Variants in KCNT2 observed in about 807,000 individuals in gnomAD.
The protein encoded by KCNT2 is potassium sodium-activated channel subfamily T member 2.
A neutral mutation model predicts 153.8 loss-of-function variants in KCNT2; 67 were observed. The ratio of observed to expected loss-of-function variants is 0.44; its 90% CI spans 0.36 to 0.53. The LOEUF (loss-of-function observed/expected upper bound fraction) is 0.53. Among genes scored for constraint, KCNT2 ranks in the 20% least tolerant of loss-of-function variants. KCNT2 has a pLI of 0.00. For missense variants in KCNT2, 975 were observed against 1,354.8 expected, an observed-to-expected ratio of 0.72 and a Z score of 4.40; for synonymous variants, 500 against 458.8, an observed-to-expected ratio of 1.09 and a Z score of -1.15.
intron 3 of KCNT2, among the ~76,000 whole-genome samples, chr1:196,485,887 C>G (rs1301288581): frequency 1.3e-5 from 2 of 151,702 alleles, no homozygotes; most frequent in South Asian, 2.1e-4. Context: ...AAGCTGACAG[C>G]CAAATTATAA....
chr1:196,399,289 T>C (rs1671219101), intron 12 of KCNT2, among the ~76,000 whole-genome samples: 1 of 151,522 alleles, frequency 6.6e-6, no homozygotes, highest in African/African-American at 2.4e-5. Flanking sequence ...ATTGAAAAAA[T>C]CAAGGAAGAT....
At chr1:196,431,095 G>A (rs1052113130) in intron 8 of KCNT2, among the ~76,000 whole-genome samples, 8 of 152,100 alleles carry the variant, frequency 5.3e-5, no homozygotes, top group African/African-American at 1.7e-4. Context: ...GCCACAATGC[G>A]TCATCTTGGT....
At position 196,489,825 on chromosome 1, in the gene KCNT2, A is replaced by G; in HGVS notation, c.275+13T>C. ...AAAATAATATTGTTGAAGGTCAGAA[A>G]AAGGTACCTTACCATTCATTTCCTT... On this transcript the variant is annotated intron_variant, in intron 3 of 27. Transcript: ENST00000294725. 7.5e-7 allele frequency: 1 copy of G among 1,339,994 alleles called. No homozygotes were observed. The highest frequency in any genetic ancestry group is 1.1e-6 in the Non-Finnish European group (1 of 951,452). 83.0% of individuals were successfully genotyped at this position (1,339,994 alleles called of 1,614,324 possible).
chr1:196,437,038 CAT>C (rs1202702975), intron 8 of KCNT2, among the ~76,000 whole-genome samples: 1 of 4,480 alleles, frequency 2.2e-4, no homozygotes, highest in African/African-American at 7.2e-4. Context: ...AAATATATAT[CAT>C]ATATAAATAT....
intron 25 of KCNT2, among the ~76,000 whole-genome samples, chr1:196,276,350 T>C (rs568788212): frequency 6.6e-6 from 1 of 152,222 alleles, no homozygotes; most frequent in African/African-American, 2.4e-5. Flanking sequence ...CAGTAATTGC[T>C]TTATTGTATT....
intron 8 of KCNT2, among the ~76,000 whole-genome samples, chr1:196,438,907 C>A (rs758956907): frequency 2.6e-5 from 4 of 151,576 alleles, no homozygotes; most frequent in Non-Finnish European, 2.9e-5. Flanking sequence ...TTTTATATTA[C>A]TTAAAACATA....
chr1:196,269,294 C>T (rs1657839632), intron 25 of KCNT2, among the ~76,000 whole-genome samples: 1 of 152,110 alleles, frequency 6.6e-6, no homozygotes, highest in African/African-American at 2.4e-5. Flanking sequence ...GATTTCCATA[C>T]TATTTATTTG....
intron 16 of KCNT2, among the ~76,000 whole-genome samples, chr1:196,335,117 G>A (rs1664891217): frequency 6.6e-6 from 1 of 152,140 alleles, no homozygotes; most frequent in Non-Finnish European, 1.5e-5. Flanking sequence ...AAATAACGAT[G>A]AAAGGCATCA....
At chr1:196,459,914 T>C (rs1288290405) in intron 8 of KCNT2, among the ~76,000 whole-genome samples, 1 of 151,808 alleles carries the variant, frequency 6.6e-6, no homozygotes, top group African/African-American at 2.4e-5. Context: ...GGGAAACTGA[T>C]TTGAACCTCT....
intron 14 of KCNT2, among the ~76,000 whole-genome samples, chr1:196,371,218 T>TAA (rs1558207433): frequency 1.2e-4 from 1 of 8,166 alleles, no homozygotes; most frequent in African/African-American, 8.8e-4. Context: ...ATCCCGTCAC[T>TAA]ACAAAAAAAA....
intron 26 of KCNT2, among the ~76,000 whole-genome samples, chr1:196,249,113 A>T (rs1031529200): frequency 3.0e-5 from 4 of 135,358 alleles, no homozygotes; most frequent in Admixed American, 7.1e-5. Context: ...TTTCATGATT[A>T]AAAAAAAACT....
At chr1:196,361,792 G>A (rs986674738) in intron 14 of KCNT2, among the ~76,000 whole-genome samples, 1 of 152,074 alleles carries the variant, frequency 6.6e-6, no homozygotes, top group Non-Finnish European at 1.5e-5. Flanking sequence ...TGAAAACAGA[G>A]GCTCAGATTT....
intron 9 of KCNT2, among the ~76,000 whole-genome samples, chr1:196,428,936 T>C (rs1167460808): frequency 1.3e-5 from 2 of 151,974 alleles, no homozygotes; most frequent in Non-Finnish European, 2.9e-5. Flanking sequence ...ATTCCATTTA[T>C]ATATCCATCC....
rs555167771 is a variant in KCNT2 at position 196,390,224 on chromosome 1, C to T, written c.1294+8339G>A. Among the ~76,000 whole-genome samples, 5 of 151,266 alleles carry T rather than the reference C, an allele frequency of 3.3e-5. No homozygotes were observed. The South Asian group carries it at 6.2e-4, about 19-fold the overall frequency. ...ACTTTTCTAAGTGGATCTTTTAAAT[C>T]GTATATTCTGTATAGTACAATAATT... is the stretch of plus-strand genomic sequence containing the variant. On this transcript the variant is annotated intron_variant, in intron 13 of 27. Transcript: ENST00000294725.
At chr1:196,474,838 A>G (rs149850202) in intron 5 of KCNT2, among the ~76,000 whole-genome samples, 27 of 152,360 alleles carry the variant, frequency 1.8e-4, no homozygotes, top group African/African-American at 6.0e-4. Context: ...AGCTATAAAC[A>G]TGAATGGAAT....
In KCNT2 at chr1:196,258,688, T is replaced by C. The variant is rs147349385; in HGVS notation, c.2911-194A>G. On this transcript the variant is annotated intron_variant, in intron 25 of 27. Coordinates refer to ENST00000294725, the MANE Select transcript of KCNT2 (RefSeq NM_198503.5). ...AAATGTATGTTTCCTTGAACGTACA[T>C]ATAAATCAGGCAAAATAAATACCTG... The C allele has an allele frequency of 1.7e-5, 11 of 642,304 alleles. No homozygotes were observed. The Admixed American group carries it at 2.8e-4, about 16-fold the overall frequency. 39.8% of individuals were successfully genotyped at this position (642,304 alleles called of 1,614,324 possible). A position where few individuals can be genotyped will look rare whatever the true frequency, so the allele number is the denominator to read the frequency against.
chr1:196,498,374 T>C (rs1258433346), intron 1 of KCNT2, among the ~76,000 whole-genome samples: 2 of 152,208 alleles, frequency 1.3e-5, no homozygotes, highest in Admixed American at 1.3e-4. Context: ...CATAGATCAC[T>C]ATCAGAGGAA....
intron 1 of KCNT2, among the ~76,000 whole-genome samples, chr1:196,565,149 T>A: frequency 6.7e-6 from 1 of 149,406 alleles, no homozygotes. Context: ...CAAATGGGTT[T>A]CTCAAAGAAA....
intron 1 of KCNT2, among the ~76,000 whole-genome samples, chr1:196,537,999 T>G (rs1655833805): frequency 6.6e-6 from 1 of 152,192 alleles, no homozygotes; most frequent in African/African-American, 2.4e-5. Flanking sequence ...CATGGCAGCT[T>G]CTAACTCCTT....
Sources: allele counts gnomAD v4.1 joint callset (sites outside exome capture counted in the v4.1 genomes callset), GRCh38; gene constraint gnomAD v4.1.1; transcripts MANE v1.5; gene names NCBI Gene and HGNC (gene_info 2026-07-23, HGNC 2026-07-21).